The following FBXL5 variants were observed in gnomAD, a reference collection of about 807,000 sequenced individuals.
FBXL5 encodes the protein F-box and leucine rich repeat protein 5.
Under a neutral mutation model 78.3 loss-of-function variants are expected in FBXL5, and 26 were observed. That is an observed-to-expected ratio of 0.33 (90% CI 0.24 to 0.46). FBXL5 has a LOEUF of 0.46. FBXL5 is among the 20% of genes least tolerant of loss of function. The pLI is 1.00. For missense variants in FBXL5, 710 were observed against 829.2 expected (o/e 0.86, Z 1.77); for synonymous variants, 295 against 282.5 (o/e 1.04, Z -0.45).
At position 15,636,678 on chromosome 4, in the gene FBXL5, T is replaced by A. The variant is rs746346801; in HGVS notation, c.584-2A>T. On this transcript the variant is annotated splice_acceptor_variant, in intron 4 of 10. Coordinates refer to ENST00000341285, the MANE Select transcript of FBXL5 (RefSeq NM_012161.4). LOFTEE classifies it high-confidence loss of function. Reference sequence around the variant, plus strand: ...TGGAGTGTTCTGACACTTCTGCTTCTGAAATAAAAAAGAAAAACTTTACCA... The same window carrying A: ...TGGAGTGTTCTGACACTTCTGCTTCAGAAATAAAAAAGAAAAACTTTACCA... 9.1e-6 allele frequency: 14 copies of A among 1,540,654 alleles called. No individual in the cohort carries two copies. Among genetic ancestry groups the A allele is most frequent in the Non-Finnish European group, 1.2e-5 (14 of 1,140,738 alleles).
At chr4:15,668,274 A>G (rs1717628998) in intron 1 of FBXL5, among the ~76,000 whole-genome samples, 1 of 151,244 alleles carries the variant, frequency 6.6e-6, no homozygotes, top group South Asian at 2.1e-4. Context: ...TATAACTTGT[A>G]ACATTTTAAT....
At chr4:15,651,766 C>T (rs557835968) in intron 1 of FBXL5, among the ~76,000 whole-genome samples, 2 of 152,208 alleles carry the variant, frequency 1.3e-5, no homozygotes, top group Admixed American at 6.5e-5. Flanking sequence ...AATACCCTTA[C>T]CTGAAAAATT....
intron 5 of FBXL5, among the ~76,000 whole-genome samples, chr4:15,632,243 T>C (rs959025812): frequency 2.0e-5 from 3 of 152,210 alleles, no homozygotes; most frequent in African/African-American, 7.2e-5. Flanking sequence ...GTGTCATTTC[T>C]GAGGCCTCTG....
At chr4:15,617,488 C>A (rs1438369338) in intron 9 of FBXL5, among the ~76,000 whole-genome samples, 3 of 144,760 alleles carry the variant, frequency 2.1e-5, no homozygotes, top group Admixed American at 1.4e-4. Flanking sequence ...GTGGAGGTTG[C>A]AGTGAGCCAA....
intron 5 of FBXL5, among the ~76,000 whole-genome samples, chr4:15,635,725 C>T (rs1407572905): frequency 1.3e-5 from 2 of 149,198 alleles, no homozygotes; most frequent in Non-Finnish European, 3.0e-5. Flanking sequence ...TGCACTCTTG[C>T]CTGGGCAACA....
intron 1 of FBXL5, among the ~76,000 whole-genome samples, chr4:15,680,860 A>C (rs1486137075): frequency 6.6e-6 from 1 of 150,584 alleles, no homozygotes; most frequent in African/African-American, 2.4e-5. Context: ...TTAAAAAAAA[A>C]CTATATATGA....
rs377439213 is a variant in FBXL5 at position 15,669,919 on chromosome 4, G to C, written c.-283-9997C>G. 9.9e-5 allele frequency among the ~76,000 whole-genome samples: 15 copies of C among 152,204 alleles called. No individual in the cohort carries two copies. The East Asian group carries it at 2.5e-3, about 25-fold the overall frequency. The stretch of plus-strand genomic sequence containing the variant: ...TTCCAAAAGACATTATTGTTAAAGG[G>C]GCGGTAATCACCCTAGGTACTATAT... On this transcript the variant is annotated intron_variant, in intron 1 of 4. Coordinates refer to the FBXL5 transcript ENST00000507899.
chr4:15,656,220 G>T (rs1212022337), upstream of FBXL5: 1 of 456,260 alleles, frequency 2.2e-6, no homozygotes, highest in Admixed American at 2.3e-5. Context: ...AGAAAACAAG[G>T]TCACTAACCC....
Position 15,638,645 on chromosome 4 carries a change from T to A in FBXL5, c.446A>T (p.Asp149Val). Residue 149 changes from aspartate to valine, a missense_variant, in exon 4 of 11, where the codon GAT (aspartate) becomes GTT (valine). Asp to Val is a radical substitution (Grantham distance 152). Around this residue, in one of 4 missense-constraint regions of FBXL5, gnomAD observed 517 missense variants for 542.9 expected, o/e 0.95. Coordinates refer to ENST00000341285, the MANE Select transcript of FBXL5 (RefSeq NM_012161.4). ...TTGTGCAATCACTTTCTTTTTAATA[T>A]CCTTAAGCTCTTCATAGGTAAAATA... ...MEYFTYEELK[D>V]IKKKVIAQHC... The A allele has an allele frequency of 3.7e-6, 6 of 1,612,308 alleles. No homozygotes were observed. The highest frequency in any genetic ancestry group is 1.7e-4 in the Middle Eastern group (1 of 6,060).
chr4:15,609,683 T>G (rs1021468551), intron 10 of FBXL5, among the ~76,000 whole-genome samples: 1 of 152,072 alleles, frequency 6.6e-6, no homozygotes, highest in Non-Finnish European at 1.5e-5. Context: ...GTTAAAGAAA[T>G]TTTTTAATGT....
chr4:15,626,413 A>C (rs1187560690), intron 8 of FBXL5, among the ~76,000 whole-genome samples: 1 of 152,188 alleles, frequency 6.6e-6, no homozygotes, highest in Non-Finnish European at 1.5e-5. Context: ...GTGCTGATAT[A>C]AATAGTTGGG....
chr4:15,613,004 T>G (rs1235283774), intron 9 of FBXL5, among the ~76,000 whole-genome samples: 1 of 152,198 alleles, frequency 6.6e-6, no homozygotes, highest in Admixed American at 6.5e-5. Context: ...TCCATACAAT[T>G]AAATATTCTG....
intron 10 of FBXL5, among the ~76,000 whole-genome samples, chr4:15,609,741 A>G (rs967092879): frequency 1.2e-4 from 18 of 152,066 alleles, no homozygotes; most frequent in Non-Finnish European, 5.9e-5. Context: ...TTTAAAAGTC[A>G]TAAAGAATCA....
Position 15,628,096 on chromosome 4 carries a change from G to A in FBXL5, c.893-63C>T, listed in dbSNP as rs140479016. 419 of 1,487,154 alleles carry A rather than the reference G, an allele frequency of 2.8e-4. 2 individuals are homozygous for A. In the African/African-American group the frequency reaches 5.0e-3, roughly 18 times the overall value. 92.1% of individuals were successfully genotyped at this position (1,487,154 alleles called of 1,614,324 possible). On this transcript the variant is annotated intron_variant, in intron 6 of 10. Coordinates refer to ENST00000341285, the MANE Select transcript of FBXL5 (RefSeq NM_012161.4). ...CTGATAATAATTAAGCTACTCAAGC[G>A]CTCACCAAATTGTTAAATATGACAT...
intron 9 of FBXL5, among the ~76,000 whole-genome samples, chr4:15,621,019 C>T (rs182866468): frequency 1.1e-3 from 162 of 152,310 alleles, no homozygotes; most frequent in African/African-American, 3.7e-3. Context: ...CTGTTCAGGA[C>T]TCTCAGCTCT....
At chr4:15,671,613 T>C (rs1242883804) in intron 1 of FBXL5, among the ~76,000 whole-genome samples, 1 of 152,106 alleles carries the variant, frequency 6.6e-6, no homozygotes, top group Non-Finnish European at 1.5e-5. Context: ...GGAGTTCATA[T>C]CTTCTTGAAT....
intron 6 of FBXL5, among the ~76,000 whole-genome samples, chr4:15,628,971 T>C (rs1713357377): frequency 6.6e-6 from 1 of 152,024 alleles, no homozygotes; most frequent in African/African-American, 2.4e-5. Flanking sequence ...TATGCATATT[T>C]TGGGGGTACA....
At position 15,606,221 on chromosome 4, in the gene FBXL5, CAATA is replaced by C. The variant is rs1560205592; in HGVS notation, c.2000-426_2000-423del. 2.0e-5 allele frequency among the ~76,000 whole-genome samples: 3 copies of C among 152,056 alleles called. No individual in the cohort carries two copies. In the South Asian group the frequency reaches 6.2e-4, roughly 32 times the overall value. ...TAAAGAAGTCAGTATTGAGCAATTA[CAATA>C]AATATTATCTTCAAATTTTAAAGCA... is the stretch of plus-strand genomic sequence containing the variant. On this transcript the variant is annotated intron_variant, in intron 10 of 10. Coordinates refer to ENST00000341285, the MANE Select transcript of FBXL5 (RefSeq NM_012161.4).
At chr4:15,664,380 C>T (rs1464538611), upstream of FBXL5, among the ~76,000 whole-genome samples, 2 of 152,032 alleles carry the variant, frequency 1.3e-5, no homozygotes, top group African/African-American at 2.4e-5. Flanking sequence ...TAATGACTCT[C>T]CCTCAGTTAA....
Sources: gnomAD v4.1 joint callset for allele counts (sites outside exome capture counted in the v4.1 genomes callset) on GRCh38, gnomAD v4.1.1 for gene constraint, gnomAD v4.1.1 regional missense constraint, MANE v1.5 for transcripts, NCBI Gene and HGNC (gene_info 2026-07-23, HGNC 2026-07-21) for gene names.